KCNK10: variants seen among roughly 807,000 people sequenced by gnomAD.
The protein encoded by KCNK10 is potassium two pore domain channel subfamily K member 10, also known as potassium channel subfamily K member 10.
A neutral mutation model predicts 47.7 loss-of-function variants in KCNK10; 25 were observed. That is an observed-to-expected ratio of 0.52 (90% CI 0.38 to 0.73). The LOEUF is 0.73. Ranked by LOEUF, KCNK10 falls within the 30% of genes least tolerant of loss-of-function variation. The pLI is 0.00. For synonymous variants in KCNK10, 303 were observed against 285.6 expected (o/e 1.06, Z -0.61); for missense variants, 563 against 714.5 (o/e 0.79, Z 2.42).
Position 88,192,285 on chromosome 14 carries a change from C to A in KCNK10, c.807G>T (p.Leu269Phe), listed in dbSNP as rs1884774090. The A allele has an allele frequency of 6.2e-7, 1 of 1,613,984 alleles. No homozygotes were observed. Among genetic ancestry groups the A allele is most frequent in the Non-Finnish European group, 8.5e-7 (1 of 1,180,012 alleles). ...IFKYIEGWTA[L>F]ESIYFVVVTL... Reference sequence around the variant, plus strand: ...TGACCACCACAAAGTAAATGGACTCCAAGGCCGTCCAGCCCTCGATGTACT... The same window carrying A: ...TGACCACCACAAAGTAAATGGACTCAAAGGCCGTCCAGCCCTCGATGTACT... The change falls in exon 5 of 7, where the codon TTG becomes TTT. Residue 269 changes from leucine to phenylalanine, a missense_variant. By Grantham distance (22) the Leu-to-Phe change is conservative. Transcript: ENST00000319231.
chr14:88,322,790 A>C lies in KCNK10; in HGVS notation c.9T>G (p.Phe3Leu). The C allele has an allele frequency of 6.2e-7, 1 of 1,614,208 alleles. No individual in the cohort carries two copies. Among genetic ancestry groups the C allele is most frequent in the Non-Finnish European group, 8.5e-7 (1 of 1,180,030 alleles). The change falls in exon 1 of 7, where the codon TTT becomes TTG. Residue 3 changes from phenylalanine to leucine, a missense_variant. Coordinates refer to ENST00000319231, the MANE Select transcript of KCNK10 (RefSeq NM_138317.3). The surrounding 1 kb of genome is among the most constrained non-coding windows in gnomAD (Gnocchi z 4.8). ...CCTGTTTTCTTGGCGTCTCGATTGG[A>C]AATTTCATTGCTTCGTTGCCCAGAA... MK[F>L]PIETPRKQVN...
intron 1 of KCNK10, among the ~76,000 whole-genome samples, chr14:88,266,548 G>C (rs1181496787): frequency 6.6e-6 from 1 of 152,200 alleles, no homozygotes; most frequent in East Asian, 1.9e-4. Flanking sequence ...TCTTGGCATA[G>C]TGCCTGGCAT....
chr14:88,313,776 T>C (rs1888373738), intron 1 of KCNK10, among the ~76,000 whole-genome samples: 1 of 152,208 alleles, frequency 6.6e-6, no homozygotes, highest in South Asian at 2.1e-4. Context: ...TAAATGTTTA[T>C]ATTGATTTAA....
intron 4 of KCNK10, among the ~76,000 whole-genome samples, chr14:88,224,094 T>C (rs150324997): frequency 1.3e-3 from 203 of 152,280 alleles, no homozygotes; most frequent in African/African-American, 4.5e-3. Flanking sequence ...CATCTGCAAA[T>C]AATTTGGCAC....
Position 88,211,152 on chromosome 14 carries a change from A to G in KCNK10, c.681+16223T>C, listed in dbSNP as rs565415260. On this transcript the variant is annotated intron_variant, in intron 4 of 6. Transcript: ENST00000319231. ...AATAGGCAAAATGTGGTATATACAG[A>G]CAGGGGGATATTACTCAGCCTTGAA... Among the ~76,000 whole-genome samples the G allele has an allele frequency of 2.6e-5, 4 of 152,364 alleles. No homozygotes were observed. The South Asian group carries it at 8.3e-4, about 32-fold the overall frequency.
At chr14:88,211,527 A>C (rs1566687052) in intron 4 of KCNK10, among the ~76,000 whole-genome samples, 1 of 152,038 alleles carries the variant, frequency 6.6e-6, no homozygotes, top group Non-Finnish European at 1.5e-5. Context: ...CTTTAACACA[A>C]TTAAAAAAAG....
chr14:88,199,795 G>A (rs899340584), intron 4 of KCNK10, among the ~76,000 whole-genome samples: 1 of 152,138 alleles, frequency 6.6e-6, no homozygotes, highest in African/African-American at 2.4e-5. Flanking sequence ...CAGGAATAAA[G>A]GTAAATGACA....
intron 4 of KCNK10, 55 bp downstream of exon 4, chr14:88,227,320 G>A: frequency 6.9e-7 from 1 of 1,454,598 alleles, no homozygotes; most frequent in Non-Finnish European, 9.3e-7. Flanking sequence ...GATCCTGTCA[G>A]GCTAAAGCCA....
intron 1 of KCNK10, among the ~76,000 whole-genome samples, chr14:88,288,114 T>C (rs1887806011): frequency 1.3e-5 from 2 of 152,206 alleles, no homozygotes. Context: ...CATTTTTTCA[T>C]ATGTTTGTTG....
At chr14:88,243,341 C>A (rs535848664) in intron 2 of KCNK10, among the ~76,000 whole-genome samples, 6 of 152,312 alleles carry the variant, frequency 3.9e-5, no homozygotes, top group African/African-American at 1.4e-4. Flanking sequence ...GATGGGGAAA[C>A]AGGCTCAGGA....
chr14:88,190,220 T>C (rs115657300), intron 5 of KCNK10, among the ~76,000 whole-genome samples: 3,364 of 152,328 alleles, frequency 0.022, 117 homozygotes, highest in African/African-American at 0.075. Context: ...TGGTTAGAGA[T>C]CTGTGTCTGT....
chr14:88,272,848 G>C (rs1267775962), intron 1 of KCNK10, among the ~76,000 whole-genome samples: 1 of 152,158 alleles, frequency 6.6e-6, no homozygotes, highest in Non-Finnish European at 1.5e-5. Flanking sequence ...TCAGAGACAA[G>C]GCGTGTTAAG....
At chr14:88,287,273 C>T (rs907289157) in intron 1 of KCNK10, among the ~76,000 whole-genome samples, 1 of 152,314 alleles carries the variant, frequency 6.6e-6, no homozygotes, top group African/African-American at 2.4e-5. Flanking sequence ...CCTTCCCCAA[C>T]ATGGATGCTA....
chr14:88,297,856 T>C, intron 1 of KCNK10, among the ~76,000 whole-genome samples: 1 of 152,206 alleles, frequency 6.6e-6, no homozygotes, highest in East Asian at 1.9e-4. Flanking sequence ...TGAAAATGAA[T>C]GGATGTGGGA....
intron 3 of KCNK10, among the ~76,000 whole-genome samples, chr14:88,228,868 T>C (rs1332929334): frequency 6.6e-6 from 1 of 152,236 alleles, no homozygotes; most frequent in East Asian, 1.9e-4. Flanking sequence ...CTCACCAGGA[T>C]TTTGATTTAA....
chr14:88,248,008 ACTTT>A (rs1463828776), intron 2 of KCNK10, among the ~76,000 whole-genome samples: 2 of 152,186 alleles, frequency 1.3e-5, no homozygotes, highest in Non-Finnish European at 2.9e-5. Context: ...TGATCAATAA[ACTTT>A]CAGACTAACA....
intron 2 of KCNK10, among the ~76,000 whole-genome samples, chr14:88,251,351 G>A (rs1042331268): frequency 2.0e-5 from 3 of 150,944 alleles, no homozygotes; most frequent in Admixed American, 2.0e-4. Flanking sequence ...ATTGATAAAA[G>A]ACATAGATTC....
chr14:88,239,140 C>T (rs559527472), intron 3 of KCNK10, among the ~76,000 whole-genome samples: 263 of 151,960 alleles, frequency 1.7e-3, no homozygotes, highest in Non-Finnish European at 2.9e-3. Context: ...GTGGAGCACA[C>T]GACGTTGGAA....
chr14:88,269,680 GC>G (rs1887355877), intron 1 of KCNK10, among the ~76,000 whole-genome samples: 1 of 152,118 alleles, frequency 6.6e-6, no homozygotes, highest in Non-Finnish European at 1.5e-5. Context: ...CAAGCGACCT[GC>G]CAGCATCGAC....
Sources: gnomAD v4.1 joint callset for allele counts (sites outside exome capture counted in the v4.1 genomes callset) on GRCh38, gnomAD v4.1.1 for gene constraint, Gnocchi (gnomAD v3.1) non-coding constraint, MANE v1.5 for transcripts, NCBI Gene and HGNC (gene_info 2026-07-23, HGNC 2026-07-21) for gene names.